Variants in MEF2C observed in about 807,000 individuals in gnomAD.
MEF2C encodes the protein myocyte enhancer factor 2C.
In MEF2C, 6 loss-of-function variants were observed where a neutral mutation model predicts 50.5. The ratio of observed to expected loss-of-function variants is 0.12; its 90% CI spans 0.07 to 0.23. The LOEUF is 0.23. Among genes scored for constraint, MEF2C ranks in the 10% least tolerant of loss-of-function variants. The pLI, the probability that MEF2C is intolerant of heterozygous loss-of-function variation, is 1.00. For missense variants in MEF2C, 276 were observed against 605.0 expected, an observed-to-expected ratio of 0.46 and a Z score of 5.70; for synonymous variants, 183 against 228.0, an observed-to-expected ratio of 0.80 and a Z score of 1.78.
intron 6 of MEF2C, chr5:88,734,569 T>TG (rs1763191351): frequency 5.0e-6 from 2 of 399,986 alleles, no homozygotes; most frequent in Admixed American, 1.9e-4. Context: ...AAGTTTGTTT[T>TG]TTTTTTTTTT....
At chr5:88,749,249 A>G (rs1413702980) in intron 5 of MEF2C, 132 bp from the exon 6 acceptor site, 3 of 1,229,378 alleles carry the variant, frequency 2.4e-6, no homozygotes, top group Non-Finnish European at 3.2e-6. Context: ...CCCAAGTCAG[A>G]TGGCTGACAT....
At chr5:88,875,916 C>T (rs1466916169) in intron 1 of MEF2C, among the ~76,000 whole-genome samples, 1 of 151,802 alleles carries the variant, frequency 6.6e-6, no homozygotes, top group African/African-American at 2.4e-5. Flanking sequence ...AGTACCTGCC[C>T]TGCATATTCA....
At chr5:88,748,745 A>G (rs1771177683) in intron 6 of MEF2C, 16 of 981,140 alleles carry the variant, frequency 1.6e-5, no homozygotes, top group Non-Finnish European at 1.8e-5. Context: ...TGATTAACAG[A>G]GAACACAAAA....
intron 6 of MEF2C, chr5:88,740,066 A>AGAAC (rs1765880598): frequency 1.0e-6 from 1 of 985,260 alleles, no homozygotes. Flanking sequence ...ACCAAAGCCA[A>AGAAC]GAACTATTCT....
At chr5:88,749,899 G>A (rs1581715907) in intron 5 of MEF2C, among the ~76,000 whole-genome samples, 2 of 151,874 alleles carry the variant, frequency 1.3e-5, no homozygotes, top group Admixed American at 1.3e-4. Flanking sequence ...GCGTGGTGGC[G>A]GGTGCCTGTG....
At chr5:88,853,569 TATATC>T (rs1352208450) in intron 1 of MEF2C, among the ~76,000 whole-genome samples, 10 of 152,334 alleles carry the variant, frequency 6.6e-5, no homozygotes, top group African/African-American at 2.4e-4. Context: ...TTAAAACAAA[TATATC>T]ATAAAGACTG....
chr5:88,822,657 A>G (rs980751604), intron 2 of MEF2C, among the ~76,000 whole-genome samples: 2 of 152,016 alleles, frequency 1.3e-5, no homozygotes, highest in African/African-American at 4.8e-5. Flanking sequence ...TAAAAAAATG[A>G]ATCAATCAGT....
At chr5:88,770,592 T>C (rs1057096014) in intron 3 of MEF2C, among the ~76,000 whole-genome samples, 5 of 152,190 alleles carry the variant, frequency 3.3e-5, no homozygotes, top group Admixed American at 3.3e-4. Flanking sequence ...TACCCCTTCA[T>C]CCATTTCTCT....
intron 1 of MEF2C, among the ~76,000 whole-genome samples, chr5:88,846,886 T>C (rs1466122041): frequency 6.6e-6 from 1 of 152,242 alleles, no homozygotes; most frequent in Admixed American, 6.5e-5. Context: ...ATATTCTACT[T>C]TGAAAATTGA....
At chr5:88,784,190 C>T (rs1208002502) in intron 3 of MEF2C, among the ~76,000 whole-genome samples, 1 of 152,086 alleles carries the variant, frequency 6.6e-6, no homozygotes, top group Non-Finnish European at 1.5e-5. Flanking sequence ...TTGTTTAAGC[C>T]AAGCTGCTTG....
intron 1 of MEF2C, among the ~76,000 whole-genome samples, chr5:88,847,105 C>A (rs570536201): frequency 6.6e-6 from 1 of 152,098 alleles, no homozygotes; most frequent in African/African-American, 2.4e-5. Flanking sequence ...AGCTCTATTG[C>A]GGATTTGTAA....
chr5:88,898,011 T>A (rs941487171), intron 1 of MEF2C, among the ~76,000 whole-genome samples: 1 of 152,146 alleles, frequency 6.6e-6, no homozygotes, highest in Non-Finnish European at 1.5e-5. Flanking sequence ...GGTTCTTCCA[T>A]AGCACTTATT....
intron 1 of MEF2C, among the ~76,000 whole-genome samples, chr5:88,879,959 T>C: frequency 6.6e-6 from 1 of 152,198 alleles, no homozygotes; most frequent in Non-Finnish European, 1.5e-5. Context: ...CTGTTGTTCC[T>C]GGTTTTGTGA....
Position 88,722,508 on chromosome 5 carries a change from G to C in MEF2C, c.*96C>G. ...CCTGACTTTTTTTTTTTCCACACAC[G>C]GCACATATAATGCATATCGACCCCC... is the stretch of plus-strand genomic sequence containing the variant. On this transcript the variant is annotated 3_prime_UTR_variant, in exon 11 of 11. Transcript: ENST00000504921. 2.7e-6 allele frequency: 3 copies of C among 1,098,946 alleles called. No homozygotes were observed. Among genetic ancestry groups the C allele is most frequent in the Non-Finnish European group, 3.9e-6 (3 of 768,762 alleles). The allele number at this position is 1,098,946 out of a possible 1,614,324, so 68.1% of individuals were successfully genotyped here.
chr5:88,760,335 T>G (rs957446471), intron 4 of MEF2C, among the ~76,000 whole-genome samples: 3 of 152,258 alleles, frequency 2.0e-5, no homozygotes, highest in Non-Finnish European at 4.4e-5. Flanking sequence ...ATTAGCCAAA[T>G]GTTAAAGCAT....
At chr5:88,850,050 A>G (rs1325104463) in intron 1 of MEF2C, among the ~76,000 whole-genome samples, 1 of 152,084 alleles carries the variant, frequency 6.6e-6, no homozygotes, top group Non-Finnish European at 1.5e-5. Flanking sequence ...CTCGTCATTT[A>G]ACATTAGGTA....
chr5:88,865,894 C>CT lies in MEF2C; in HGVS notation c.-143+17060dup, dbSNP rs373415690. ...CAAATCTTTAAGTCACATTTCTTTT[C>CT]TTTTTTTTTTTTTTCTTTTGAGATG... On this transcript the variant is annotated intron_variant, in intron 1 of 10. Transcript: ENST00000504921. Among the ~76,000 whole-genome samples the CT allele has an allele frequency of 7.0e-3, 1,001 of 143,890 alleles. 1 individual carries two copies. The highest frequency in any genetic ancestry group is 0.017 in the South Asian group (76 of 4,518). The allele number at this position is 143,890 out of a possible 152,430, so 94.4% of individuals were successfully genotyped here.
rs745875924 is a variant in MEF2C, at chr5:88,729,324, C to A, written c.858G>T (p.Gln286His). The A allele has an allele frequency of 6.2e-7, 1 of 1,611,660 alleles. No homozygotes were observed. Among genetic ancestry groups the A allele is most frequent in the Admixed American group, 1.7e-5 (1 of 59,686 alleles). The change falls in exon 9 of 11, where the codon CAG (glutamine) becomes CAT (histidine). Residue 286 changes from glutamine (Q) to histidine (H), a missense_variant. Physicochemically the swap from Gln to His is conservative, Grantham distance 24. Transcript: ENST00000504921. ...LLLNQRINNS[Q>H]SAQSLATPVV... is the part of the protein sequence containing the mutation. ...CTGGGGTAGCCAATGACTGAGCCGA[C>A]TGGGAGTTATTTATCCTTTGATTCT...
intron 1 of MEF2C, among the ~76,000 whole-genome samples, chr5:88,876,326 G>T (rs1398493201): frequency 6.6e-6 from 1 of 151,692 alleles, no homozygotes; most frequent in African/African-American, 2.4e-5. Flanking sequence ...TTAGGTAGTC[G>T]GTCCTATAAA....
Sources: gnomAD v4.1 joint callset for allele counts (sites outside exome capture counted in the v4.1 genomes callset) on GRCh38, gnomAD v4.1.1 for gene constraint, MANE v1.5 for transcripts, NCBI Gene and HGNC (gene_info 2026-07-23, HGNC 2026-07-21) for gene names.